The following RBFOX3 variants were observed in gnomAD, a reference collection of about 807,000 sequenced individuals.
RBFOX3 encodes the protein RNA binding protein fox-1 homolog 3.
Under a neutral mutation model 48.7 loss-of-function variants are expected in RBFOX3, and 17 were observed. The observed-to-expected ratio is 0.35, with a 90% confidence interval of 0.24 to 0.52. The LOEUF is 0.52. RBFOX3 is among the 20% of genes least tolerant of loss of function. The pLI, the probability that RBFOX3 is intolerant of heterozygous loss-of-function variation, is 0.94. For missense variants in RBFOX3, 382 were observed against 497.5 expected (o/e 0.77, Z 2.21); for synonymous variants, 212 against 209.5 (o/e 1.01, Z -0.10).
At chr17:79,312,004 C>A (rs1300558839) in intron 2 of RBFOX3, among the ~76,000 whole-genome samples, 1 of 152,238 alleles carries the variant, frequency 6.6e-6, no homozygotes, top group East Asian at 1.9e-4. Flanking sequence ...CATCTGCCCT[C>A]TCCCTTCTCC....
At chr17:79,148,600 T>C (rs531215438) in intron 4 of RBFOX3, among the ~76,000 whole-genome samples, 1 of 152,366 alleles carries the variant, frequency 6.6e-6, no homozygotes, top group East Asian at 1.9e-4. Flanking sequence ...AGTCTTCAAC[T>C]GAGGCTAACA....
intron 4 of RBFOX3, among the ~76,000 whole-genome samples, chr17:79,117,178 G>C (rs577913298): frequency 3.3e-5 from 5 of 152,260 alleles, no homozygotes; most frequent in Admixed American, 6.5e-5. Context: ...GCCCCCCCAG[G>C]AGTCTGCGGT....
At chr17:79,489,774 G>C (rs894794188) in intron 1 of RBFOX3, among the ~76,000 whole-genome samples, 11 of 152,128 alleles carry the variant, frequency 7.2e-5, no homozygotes, top group African/African-American at 2.7e-4. Flanking sequence ...GGGTGCCAGT[G>C]GTTCTACTTC....
At chr17:79,592,439 A>G (rs2093449588) in intron 1 of RBFOX3, among the ~76,000 whole-genome samples, 2 of 150,518 alleles carry the variant, frequency 1.3e-5, no homozygotes, top group Admixed American at 6.6e-5. Flanking sequence ...GTGCGTGCAT[A>G]TGTGTGTGGA....
At chr17:79,215,843 G>A (rs1050148978) in intron 4 of RBFOX3, among the ~76,000 whole-genome samples, 2 of 152,262 alleles carry the variant, frequency 1.3e-5, no homozygotes, top group Admixed American at 1.3e-4. Context: ...CGGGCTCAAT[G>A]TGTCCTTTGC....
chr17:79,090,663 T>C lies in RBFOX3; in HGVS notation c.*220A>G, dbSNP rs1266113728. 8.7e-6 allele frequency: 5 copies of C among 573,510 alleles called. No homozygotes were observed. The highest frequency in any genetic ancestry group is 5.7e-5 in the African/African-American group (3 of 52,500). 35.5% of individuals were successfully genotyped at this position (573,510 alleles called of 1,614,324 possible). On this transcript the variant is annotated 3_prime_UTR_variant, in exon 15 of 15. Transcript: ENST00000693108. Reference sequence around the variant, plus strand: ...CAGCCAGGACGCGGTGGGGCCGTCCTGTCCTGGGGCCGCTCCTCGGCGCCC... The same window carrying C: ...CAGCCAGGACGCGGTGGGGCCGTCCCGTCCTGGGGCCGCTCCTCGGCGCCC...
rs1156734529 is a variant in RBFOX3 at position 79,479,991 on chromosome 17, C to T, written c.-175+2463G>A. Reference sequence around the variant, plus strand: ...AGCCCCAAACCTCGTGCCCTATACTCATTTTCTCAGACAGCCTGCAAGCAC... The same window carrying T: ...AGCCCCAAACCTCGTGCCCTATACTTATTTTCTCAGACAGCCTGCAAGCAC... On this transcript the variant is annotated intron_variant, in intron 2 of 14. Coordinates refer to ENST00000693108, the MANE Select transcript of RBFOX3 (RefSeq NM_001350451.2). This position sits in a 1 kb window ranked among gnomAD's most constrained non-coding sequence, Gnocchi z 5.1. Among the ~76,000 whole-genome samples the T allele has an allele frequency of 1.3e-5, 2 of 152,174 alleles. No homozygotes were observed. Among genetic ancestry groups the T allele is most frequent in the Non-Finnish European group, 2.9e-5 (2 of 68,020 alleles).
chr17:79,249,738 C>A lies in RBFOX3; in HGVS notation c.-73-13933G>T, dbSNP rs2063668843. Among the ~76,000 whole-genome samples, 1 of 152,152 alleles carries A rather than the reference C, an allele frequency of 6.6e-6. No individual in the cohort carries two copies. Among genetic ancestry groups the A allele is most frequent in the South Asian group, 2.1e-4 (1 of 4,830 alleles). On this transcript the variant is annotated intron_variant, in intron 3 of 14. Transcript: ENST00000693108. This position sits in a 1 kb window ranked among gnomAD's most constrained non-coding sequence, Gnocchi z 4.1. ...CAGTCAAGACCCCTGCCCCTGTGAACCCCCATTCCCTCTGCCTCCCGACCA... is the reference window on the plus strand; with the variant it reads ...CAGTCAAGACCCCTGCCCCTGTGAAACCCCATTCCCTCTGCCTCCCGACCA...
intron 2 of RBFOX3, among the ~76,000 whole-genome samples, chr17:79,385,392 C>T (rs146284247): frequency 2.0e-5 from 3 of 152,280 alleles, no homozygotes; most frequent in Non-Finnish European, 2.9e-5. Context: ...TGCCAAGAAG[C>T]TCATGGAGGA....
intron 3 of RBFOX3, among the ~76,000 whole-genome samples, chr17:79,294,433 C>G (rs1217515973): frequency 3.3e-5 from 5 of 152,160 alleles, no homozygotes; most frequent in Non-Finnish European, 7.4e-5. Context: ...GCCTCAGCCT[C>G]CCGAGTAGCT....
the RBFOX3 span, among the ~76,000 whole-genome samples, chr17:79,664,157 A>G: frequency 5.5e-5 from 8 of 146,532 alleles, no homozygotes; most frequent in South Asian, 1.8e-3. Flanking sequence ...GTAAAACACA[A>G]CGTTAAATTT....
chr17:79,172,515 G>A (rs141809633), intron 4 of RBFOX3, among the ~76,000 whole-genome samples: 1 of 152,296 alleles, frequency 6.6e-6, no homozygotes, highest in East Asian at 1.9e-4. Context: ...CTAGAGCAGC[G>A]TGACTCCCTG....
rs199667420 is a variant in RBFOX3 at position 79,471,915 on chromosome 17, C to T, written c.-175+10539G>A. Among the ~76,000 whole-genome samples the T allele has an allele frequency of 0.13, 20,233 of 152,266 alleles. 1,690 individuals carry two copies. The highest frequency in any genetic ancestry group is 0.22 in the Middle Eastern group (64 of 292). ...ACCAAGCACATTATATCAAATACGC[C>T]TCAGGAAAACCCTTTATGGAAACCT... is the stretch of plus-strand genomic sequence containing the variant. On this transcript the variant is annotated intron_variant, in intron 2 of 14. Coordinates refer to ENST00000693108, the MANE Select transcript of RBFOX3 (RefSeq NM_001350451.2). The surrounding 1 kb of genome is among the most constrained non-coding windows in gnomAD (Gnocchi z 4.0).
intron 1 of RBFOX3, among the ~76,000 whole-genome samples, chr17:79,585,373 T>C (rs1258649569): frequency 1.3e-5 from 2 of 151,454 alleles, no homozygotes; most frequent in East Asian, 4.0e-4. Context: ...CTGGCCAACA[T>C]GGTGAAACCC....
intron 4 of RBFOX3, among the ~76,000 whole-genome samples, chr17:79,181,731 C>A (rs113732040): frequency 0.032 from 4,926 of 152,290 alleles, 104 homozygotes; most frequent in Non-Finnish European, 0.046. Context: ...TGTCCCTCTG[C>A]GGCTGCTACG....
In RBFOX3 at chr17:79,123,418, G is replaced by C. The variant is rs1224292145; in HGVS notation, c.-33-7670C>G. On this transcript the variant is annotated intron_variant, in intron 4 of 14. Transcript: ENST00000693108. ...CCCCACCCCCTCTACCCCCAGCTCA[G>C]TTCTGCCCTTCCCCCTCTGAGTGCC... is the stretch of plus-strand genomic sequence containing the variant. 1.9e-4 allele frequency among the ~76,000 whole-genome samples: 27 copies of C among 143,112 alleles called. No homozygotes were observed. In the Admixed American group the frequency reaches 1.9e-3, roughly 10 times the overall value. 93.9% of individuals were successfully genotyped at this position (143,112 alleles called of 152,430 possible).
At chr17:79,256,957 AAC>A (rs1567928595) in intron 3 of RBFOX3, among the ~76,000 whole-genome samples, 2 of 133,832 alleles carry the variant, frequency 1.5e-5, no homozygotes, top group Admixed American at 7.9e-5. Flanking sequence ...ACAAAAAAAA[AAC>A]AAAAAAAAGA....
rs542567516 is a variant in RBFOX3 at position 79,454,847 on chromosome 17, T to C, written c.-175+27607A>G. Reference sequence around the variant, plus strand: ...CTCATCTGATGGCCCCATGTGGTGATGGGCCCACTCCCATTGTAGCTCCTC... The same window carrying C: ...CTCATCTGATGGCCCCATGTGGTGACGGGCCCACTCCCATTGTAGCTCCTC... On this transcript the variant is annotated intron_variant, in intron 2 of 14. Coordinates refer to ENST00000693108, the MANE Select transcript of RBFOX3 (RefSeq NM_001350451.2). Among the ~76,000 whole-genome samples the C allele has an allele frequency of 2.6e-5, 4 of 152,272 alleles. No homozygotes were observed. In the East Asian group the frequency reaches 7.7e-4, roughly 29 times the overall value.
At chr17:79,646,106 C>G in the RBFOX3 span, among the ~76,000 whole-genome samples, 3 of 152,132 alleles carry the variant, frequency 2.0e-5, no homozygotes, top group African/African-American at 7.2e-5. Context: ...TCACCCCCAA[C>G]CCCCAGCCAC....
Sources: allele counts gnomAD v4.1 joint callset (sites outside exome capture counted in the v4.1 genomes callset), GRCh38; gene constraint gnomAD v4.1.1; non-coding constraint Gnocchi (gnomAD v3.1); transcripts MANE v1.5; gene names NCBI Gene and HGNC (gene_info 2026-07-23, HGNC 2026-07-21).